CMSS1: variants seen among roughly 807,000 people sequenced by gnomAD.
CMSS1 encodes cms1 ribosomal small subunit homolog.
CMSS1 carries 33 observed loss-of-function variants against 43.5 expected under a neutral mutation model. The observed-to-expected ratio is 0.76, with a 90% CI of 0.57 to 1.01. The LOEUF is 1.01. Among genes scored for constraint, CMSS1 ranks in the 50% least tolerant of loss-of-function variants. CMSS1 has a pLI of 0.00. For missense variants in CMSS1, 313 were observed against 326.4 expected, an observed-to-expected ratio of 0.96 and a Z score of 0.32; for synonymous variants, 115 against 117.2, an observed-to-expected ratio of 0.98 and a Z score of 0.12.
At chr3:100,080,356 T>G (rs1028989402) in intron 1 of CMSS1, among the ~76,000 whole-genome samples, 1 of 152,104 alleles carries the variant, frequency 6.6e-6, no homozygotes, top group Admixed American at 6.6e-5. Flanking sequence ...GGGTTCTGAC[T>G]CTCCCTGAAC....
At chr3:100,156,598 C>T (rs183138785) in intron 2 of CMSS1, among the ~76,000 whole-genome samples, 4 of 152,016 alleles carry the variant, frequency 2.6e-5, no homozygotes, top group Admixed American at 2.0e-4. Context: ...TGAGCCACCA[C>T]GCGCAGCCTT....
intron 1 of CMSS1, among the ~76,000 whole-genome samples, chr3:99,891,930 A>G (rs540989699): frequency 6.6e-6 from 1 of 152,332 alleles, no homozygotes; most frequent in African/African-American, 2.4e-5. Context: ...TCGGCTATCT[A>G]GAATAGCTAT....
At chr3:99,829,937 C>A (rs535369305) in intron 1 of CMSS1, among the ~76,000 whole-genome samples, 1 of 152,254 alleles carries the variant, frequency 6.6e-6, no homozygotes, top group Admixed American at 6.5e-5. Context: ...TAGTTTTAGA[C>A]CTTAAAGTGT....
chr3:99,972,553 G>A (rs1329904102), intron 1 of CMSS1, among the ~76,000 whole-genome samples: 1 of 152,150 alleles, frequency 6.6e-6, no homozygotes, highest in Non-Finnish European at 1.5e-5. Context: ...CTGCTGCTGG[G>A]CACAGCTGCT....
In CMSS1 at chr3:100,032,011, C is replaced by T. The variant is rs116783048; in HGVS notation, c.65-114962C>T. ...GAAAAATCCTAATTTTTAATTTTTTCAGCTGTTTAAAAATGTAAAAATTAT... is the reference window on the plus strand; with the variant it reads ...GAAAAATCCTAATTTTTAATTTTTTTAGCTGTTTAAAAATGTAAAAATTAT... On this transcript the variant is annotated intron_variant, in intron 1 of 9. Transcript: ENST00000421999. 3.6e-3 allele frequency among the ~76,000 whole-genome samples: 550 copies of T among 151,828 alleles called. 2 individuals are homozygous for T. Among genetic ancestry groups the T allele is most frequent in the African/African-American group, 0.013 (537 of 41,450 alleles).
chr3:100,146,525 T>C (rs1273061163), intron 1 of CMSS1, among the ~76,000 whole-genome samples: 1 of 152,210 alleles, frequency 6.6e-6, no homozygotes, highest in African/African-American at 2.4e-5. Context: ...TAGAGGGATT[T>C]CATATCTGTA....
chr3:99,878,482 C>CTT (rs1243925230), intron 1 of CMSS1, among the ~76,000 whole-genome samples: 1 of 152,166 alleles, frequency 6.6e-6, no homozygotes, highest in Non-Finnish European at 1.5e-5. Flanking sequence ...CATATATAGC[C>CTT]TTCTTCTACA....
At chr3:100,141,384 C>G (rs2066803246) in intron 1 of CMSS1, 4 of 270,394 alleles carry the variant, frequency 1.5e-5, no homozygotes, top group South Asian at 1.1e-4. Context: ...TCCCAGCCAT[C>G]CAGCACTACT....
In CMSS1 at chr3:99,957,444, A is replaced by G. The variant is rs2107696964; in HGVS notation, c.64+139401A>G. On this transcript the variant is annotated intron_variant, in intron 1 of 9. Transcript: ENST00000421999. Reference sequence around the variant, plus strand: ...CTAACACAAAATTATGTATCTACACATATGTGTGTATATATATATAGAGAG... The same window carrying G: ...CTAACACAAAATTATGTATCTACACGTATGTGTGTATATATATATAGAGAG... Among the ~76,000 whole-genome samples, 2 of 148,790 alleles carry G rather than the reference A, an allele frequency of 1.3e-5. 1 individual carries two copies. The highest frequency in any genetic ancestry group is 4.2e-4 in the South Asian group (2 of 4,748).
chr3:100,127,436 C>T (rs576376118), intron 1 of CMSS1, among the ~76,000 whole-genome samples: 3 of 152,164 alleles, frequency 2.0e-5, no homozygotes, highest in South Asian at 2.1e-4. Flanking sequence ...CCTCCAAGCC[C>T]GACAGAGTTC....
intron 1 of CMSS1, among the ~76,000 whole-genome samples, chr3:99,926,567 G>C (rs1354216157): frequency 1.3e-5 from 2 of 152,214 alleles, no homozygotes. Context: ...GAAGTTATTA[G>C]TTGACTTAGA....
intron 1 of CMSS1, among the ~76,000 whole-genome samples, chr3:100,101,194 C>A (rs1249759715): frequency 6.6e-6 from 1 of 152,140 alleles, no homozygotes; most frequent in Non-Finnish European, 1.5e-5. Context: ...CAGCGTTATA[C>A]TAAGACTGAG....
At chr3:100,023,942 GA>G (rs1263662347) in intron 1 of CMSS1, among the ~76,000 whole-genome samples, 6 of 152,130 alleles carry the variant, frequency 3.9e-5, no homozygotes, top group Non-Finnish European at 7.4e-5. Context: ...AGCAGTTAAA[GA>G]AATCTTTACT....
intron 1 of CMSS1, among the ~76,000 whole-genome samples, chr3:99,853,178 G>T (rs950325778): frequency 1.3e-5 from 2 of 152,160 alleles, no homozygotes; most frequent in Non-Finnish European, 2.9e-5. Context: ...TGGGTAAACT[G>T]CTTTGGTGGT....
At chr3:99,965,833 C>A (rs1246736465) in intron 1 of CMSS1, among the ~76,000 whole-genome samples, 4 of 152,154 alleles carry the variant, frequency 2.6e-5, no homozygotes, top group Admixed American at 2.6e-4. Flanking sequence ...CAAGCAGTTG[C>A]AGTTTTCCTG....
chr3:100,119,620 CTT>C (rs1273647911), intron 1 of CMSS1, among the ~76,000 whole-genome samples: 1 of 152,202 alleles, frequency 6.6e-6, no homozygotes, highest in Non-Finnish European at 1.5e-5. Flanking sequence ...CATCTGACCT[CTT>C]TAACCAAATG....
At chr3:99,916,074 C>T (rs145001575) in intron 1 of CMSS1, among the ~76,000 whole-genome samples, 300 of 152,252 alleles carry the variant, frequency 2.0e-3, no homozygotes, top group African/African-American at 6.8e-3. Flanking sequence ...GCTGGTTAAA[C>T]ATTATTTTGA....
At chr3:100,177,727 A>C (rs2067159356) in intron 9 of CMSS1, among the ~76,000 whole-genome samples, 1 of 152,222 alleles carries the variant, frequency 6.6e-6, no homozygotes, top group Non-Finnish European at 1.5e-5. Flanking sequence ...CACACCTGTA[A>C]TCCTAGTGCT....
In CMSS1 at chr3:100,115,136, T is replaced by C. The variant is rs2066547561; in HGVS notation, c.65-31837T>C. 2.9e-5 allele frequency: 18 copies of C among 629,368 alleles called. No homozygotes were observed. The South Asian group carries it at 3.0e-4, about 11-fold the overall frequency. 39.0% of individuals were successfully genotyped at this position (629,368 alleles called of 1,614,324 possible). The stretch of plus-strand genomic sequence containing the variant: ...CACTTGTTCAGATTGAGGGGTTGGA[T>C]AGAAGGGAGGAGTTTGTTCATTTAT... On this transcript the variant is annotated intron_variant, in intron 1 of 9. Transcript: ENST00000421999.
Sources: gnomAD v4.1 joint callset for allele counts (sites outside exome capture counted in the v4.1 genomes callset) on GRCh38, gnomAD v4.1.1 for gene constraint, MANE v1.5 for transcripts, NCBI Gene and HGNC (gene_info 2026-07-23, HGNC 2026-07-21) for gene names.